Variants in DNAH12 observed in about 807,000 individuals in gnomAD.
The protein encoded by DNAH12 is axonemal beta dynein heavy chain 12.
In DNAH12, 285 loss-of-function variants were observed where a neutral mutation model predicts 371.5. The observed-to-expected ratio is 0.77, with a 90% confidence interval of 0.70 to 0.85. The LOEUF is 0.85. Ranked by LOEUF, DNAH12 falls within the 40% of genes least tolerant of loss-of-function variation. The pLI is 0.00. For missense variants in DNAH12, 3,611 were observed against 3,689.4 expected, an observed-to-expected ratio of 0.98 and a Z score of 0.55; for synonymous variants, 1,200 against 1,213.0, an observed-to-expected ratio of 0.99 and a Z score of 0.22.
intron 69 of DNAH12, among the ~76,000 whole-genome samples, chr3:57,304,487 G>A (rs547557193): frequency 3.7e-4 from 56 of 151,954 alleles, no homozygotes; most frequent in Admixed American, 1.0e-3. Context: ...CAATCTTGGC[G>A]CCAAACTTCA....
chr3:57,502,682 T>C (rs970868433), intron 9 of DNAH12, among the ~76,000 whole-genome samples: 1 of 152,182 alleles, frequency 6.6e-6, no homozygotes, highest in African/African-American at 2.4e-5. Flanking sequence ...CCTGAGTAGC[T>C]AGGATTACAG....
At chr3:57,440,072 T>C (rs1369376447) in intron 29 of DNAH12, among the ~76,000 whole-genome samples, 1 of 152,164 alleles carries the variant, frequency 6.6e-6, no homozygotes, top group East Asian at 1.9e-4. Context: ...TCATATGCTG[T>C]TGGTAGGAAT....
At chr3:57,377,973 G>C (rs1203097992) in intron 52 of DNAH12, among the ~76,000 whole-genome samples, 1 of 152,134 alleles carries the variant, frequency 6.6e-6, no homozygotes, top group African/African-American at 2.4e-5. Context: ...GAAGCTGAAG[G>C]CAAGGAGGGA....
intron 37 of DNAH12, among the ~76,000 whole-genome samples, chr3:57,418,551 C>T (rs12637093): frequency 7.0e-6 from 1 of 143,584 alleles, no homozygotes; most frequent in Non-Finnish European, 1.5e-5. Flanking sequence ...AAAAAAAAAA[C>T]AAAAAACTGC....
chr3:57,552,549 G>A, the DNAH12 span, among the ~76,000 whole-genome samples: 1 of 125,058 alleles, frequency 8.0e-6, no homozygotes, highest in Non-Finnish European at 1.8e-5. Flanking sequence ...AGCCATTTAT[G>A]TTATTTATTT....
intron 69 of DNAH12, among the ~76,000 whole-genome samples, chr3:57,305,046 C>T (rs967131247): frequency 1.3e-5 from 2 of 152,110 alleles, no homozygotes; most frequent in African/African-American, 2.4e-5. Context: ...TCTGCAATGC[C>T]GCTTGACCCC....
chr3:57,392,297 A>G (rs922024603), intron 44 of DNAH12, among the ~76,000 whole-genome samples: 7 of 152,226 alleles, frequency 4.6e-5, no homozygotes, highest in Admixed American at 4.6e-4. Context: ...TACCTTAAAG[A>G]TAATCACAAA....
intron 39 of DNAH12, among the ~76,000 whole-genome samples, chr3:57,411,502 G>GGGT (rs1553682963): frequency 7.8e-6 from 1 of 127,752 alleles, no homozygotes; most frequent in African/African-American, 3.3e-5. Flanking sequence ...ACTCCAGCCT[G>GGGT]GGTGACAGAG....
At chr3:57,369,531 C>G (rs1267013627) in intron 55 of DNAH12, among the ~76,000 whole-genome samples, 10 of 151,580 alleles carry the variant, frequency 6.6e-5, no homozygotes, top group Non-Finnish European at 5.9e-5. Flanking sequence ...TTTCTTTCCC[C>G]AAAGACAAAA....
intron 6 of DNAH12, among the ~76,000 whole-genome samples, 156 bp downstream of exon 6, chr3:57,508,984 G>C (rs1266191991): frequency 6.6e-6 from 1 of 152,204 alleles, no homozygotes; most frequent in African/African-American, 2.4e-5. Context: ...GCATAGTAGA[G>C]AGAATACCTC....
chr3:57,490,129 T>C (rs918154575), intron 11 of DNAH12, among the ~76,000 whole-genome samples: 1 of 152,140 alleles, frequency 6.6e-6, no homozygotes, highest in African/African-American at 2.4e-5. Context: ...TAATTCAACC[T>C]TTAGGAAAAA....
At chr3:57,483,563 A>G in intron 12 of DNAH12, 52 bp from the exon 13 acceptor site, 1 of 1,476,794 alleles carries the variant, frequency 6.8e-7, no homozygotes, top group Non-Finnish European at 9.0e-7. Flanking sequence ...GTTATATCAT[A>G]TTCAATAAAT....
chr3:57,485,264 T>C (rs1447910467), intron 12 of DNAH12, among the ~76,000 whole-genome samples: 1 of 152,176 alleles, frequency 6.6e-6, no homozygotes, highest in African/African-American at 2.4e-5. Flanking sequence ...ATTGCAAAGA[T>C]ATGGAACCAA....
chr3:57,341,163 C>T lies in DNAH12; in HGVS notation c.9675-6223G>A, dbSNP rs1314579446. On this transcript the variant is annotated intron_variant, in intron 60 of 73. Coordinates refer to ENST00000495027, the MANE Select transcript of DNAH12 (RefSeq NM_001366028.2). The stretch of plus-strand genomic sequence containing the variant: ...AAGGCTATATAAGACAAACCCACAG[C>T]TACCATATACTGAACTGGAACAAGA... Among the ~76,000 whole-genome samples the T allele has an allele frequency of 2.0e-5, 3 of 152,208 alleles. No homozygotes were observed. The East Asian group carries it at 5.8e-4, about 29-fold the overall frequency.
chr3:57,408,399 A>G lies in DNAH12; in HGVS notation c.6157T>C (p.Phe2053Leu). 2 of 1,551,616 alleles carry G rather than the reference A, an allele frequency of 1.3e-6. No homozygotes were observed. The highest frequency in any genetic ancestry group is 1.7e-6 in the Non-Finnish European group (2 of 1,146,938). Residue 2053 changes from phenylalanine to leucine, a missense_variant, in exon 40 of 74, where the codon TTT (phenylalanine) becomes CTT (leucine). This residue lies in a region of DNAH12 where 2,266 missense variants were observed against 2,236.9 expected (regional missense o/e 1.01). Transcript: ENST00000495027. The stretch of plus-strand genomic sequence containing the variant: ...ATTCGGACCATAGTTTCATCACTAA[A>G]AGAATTAATACTGCAGATGTTGAAA... ...RHFNICSINS[F>L]SDETMVRIFS...
chr3:57,327,406 C>G (rs1296606509), intron 62 of DNAH12, among the ~76,000 whole-genome samples: 4 of 152,074 alleles, frequency 2.6e-5, no homozygotes, highest in African/African-American at 9.7e-5. Flanking sequence ...TTCAGAAACT[C>G]ACTCAAAACC....
intron 46 of DNAH12, 127 bp from the exon 47 acceptor site, chr3:57,386,730 C>G (rs2063506280): frequency 6.6e-6 from 1 of 152,172 alleles, no homozygotes; most frequent in Non-Finnish European, 1.5e-5. Flanking sequence ...AGTACTTGAA[C>G]ATTTTAAGAC....
In DNAH12 at chr3:57,446,588, CTG is replaced by C; in HGVS notation, c.3886_3887del (p.Gln1296ValfsTer8). The C allele has an allele frequency of 6.4e-7, 1 of 1,550,818 alleles. No individual in the cohort carries two copies. Among genetic ancestry groups the C allele is most frequent in the Non-Finnish European group, 8.7e-7 (1 of 1,146,562 alleles). On this transcript the variant is annotated frameshift_variant, in exon 26 of 74. Coordinates refer to ENST00000495027, the MANE Select transcript of DNAH12 (RefSeq NM_001366028.2). LOFTEE classifies it high-confidence loss of function. Reference sequence around the variant, plus strand: ...CATCAGAACAGTTGAACACCACACACTGTACAGCAAGAGCTTTAGCCAAGTCC... The same window carrying C: ...CATCAGAACAGTTGAACACCACACACTACAGCAAGAGCTTTAGCCAAGTCC... ...TKDLAKALAV[Q>X]CVVFNCSDGL... is the part of the protein sequence containing the mutation.
chr3:57,554,904 A>T, the DNAH12 span, among the ~76,000 whole-genome samples: 1 of 152,154 alleles, frequency 6.6e-6, no homozygotes. Flanking sequence ...GACGTGAGCC[A>T]CTGGGCCCGG....
Sources: gnomAD v4.1 joint callset for allele counts (sites outside exome capture counted in the v4.1 genomes callset) on GRCh38, gnomAD v4.1.1 for gene constraint, gnomAD v4.1.1 regional missense constraint, MANE v1.5 for transcripts, NCBI Gene and HGNC (gene_info 2026-07-23, HGNC 2026-07-21) for gene names.